IL1RAP: variants seen among roughly 807,000 people sequenced by gnomAD.
The protein encoded by IL1RAP is interleukin-1 receptor accessory protein.
Under a neutral mutation model 60.7 loss-of-function variants are expected in IL1RAP, and 35 were observed. The observed-to-expected ratio is 0.58, with a 90% CI of 0.44 to 0.76. The LOEUF (loss-of-function observed/expected upper bound fraction) is 0.76, where lower values mean the gene tolerates loss of function less well. IL1RAP is among the 30% of genes least tolerant of loss of function. The pLI, the probability that IL1RAP is intolerant of heterozygous loss-of-function variation, is 0.00. For missense variants in IL1RAP, 572 were observed against 693.9 expected (o/e 0.82, Z 1.97); for synonymous variants, 268 against 250.9 (o/e 1.07, Z -0.64).
intron 5 of IL1RAP, among the ~76,000 whole-genome samples, chr3:190,616,546 T>C (rs144878209): frequency 1.2e-4 from 18 of 152,298 alleles, no homozygotes; most frequent in African/African-American, 3.6e-4. Flanking sequence ...AAGTGACTAG[T>C]TTATCTAACT....
chr3:190,575,319 C>T (rs1727343584), intron 3 of IL1RAP, among the ~76,000 whole-genome samples: 1 of 152,138 alleles, frequency 6.6e-6, no homozygotes, highest in African/African-American at 2.4e-5. Context: ...GTATTGGTAA[C>T]CAAAACAAAA....
rs200151494 is a variant in IL1RAP, at chr3:190,649,184, T to G, written c.*479T>G. 10 of 985,444 alleles carry G rather than the reference T, an allele frequency of 1.0e-5. 1 individual carries two copies. In the East Asian group the frequency reaches 1.1e-3, roughly 112 times the overall value. The allele number at this position is 985,444 out of a possible 1,614,324, so 61.0% of individuals were successfully genotyped here. On this transcript the variant is annotated 3_prime_UTR_variant, in exon 12 of 12. Transcript: ENST00000447382. ...TACATTTTAGCTGAGGATAATGAAC[T>G]TTTTTCCTCATTCGGCTGTATAATA...
downstream of IL1RAP, among the ~76,000 whole-genome samples, chr3:190,653,401 G>T (rs894142937): frequency 7.9e-5 from 12 of 152,168 alleles, no homozygotes; most frequent in African/African-American, 2.9e-4. Flanking sequence ...GGACTCAAAA[G>T]ATATTAAGAT....
intron 3 of IL1RAP, among the ~76,000 whole-genome samples, chr3:190,596,751 A>G (rs1729412563): frequency 6.6e-6 from 1 of 152,194 alleles, no homozygotes; most frequent in African/African-American, 2.4e-5. Flanking sequence ...AATTTGCTAA[A>G]TTCCCTTTGC....
intron 1 of IL1RAP, among the ~76,000 whole-genome samples, chr3:190,545,459 T>C (rs1478568292): frequency 6.6e-6 from 1 of 152,220 alleles, no homozygotes; most frequent in East Asian, 1.9e-4. Context: ...ACAGCAGGCA[T>C]TCGCATCCTT....
At chr3:190,543,694 G>A (rs770018483) in intron 1 of IL1RAP, among the ~76,000 whole-genome samples, 17 of 152,124 alleles carry the variant, frequency 1.1e-4, no homozygotes, top group African/African-American at 1.7e-4. Context: ...AGGAAGGCAC[G>A]GGGTGATCTG....
rs921163631 is a variant in IL1RAP at position 190,615,446 on chromosome 3, A to G, written c.538-4829A>G. 5.8e-5 allele frequency: 25 copies of G among 427,904 alleles called. 1 individual carries two copies. Among genetic ancestry groups the G allele is most frequent in the Middle Eastern group, 4.5e-4 (1 of 2,210 alleles). The allele number at this position is 427,904 out of a possible 1,614,324, so 26.5% of individuals were successfully genotyped here. The stretch of plus-strand genomic sequence containing the variant: ...TCCTAACTTTCATATTACTGTATTA[A>G]TTCTCTTCCTTATAGTTTGATATTT... On this transcript the variant is annotated intron_variant, in intron 5 of 11. Coordinates refer to ENST00000447382, the MANE Select transcript of IL1RAP (RefSeq NM_002182.4).
At chr3:190,520,368 T>C (rs1721908801) in intron 1 of IL1RAP, 1 of 152,110 alleles carries the variant, frequency 6.6e-6, no homozygotes, top group Non-Finnish European at 1.5e-5. Flanking sequence ...AATAAAGTAG[T>C]TTTAATTTCC....
chr3:190,591,789 G>C (rs1246143834), intron 3 of IL1RAP, among the ~76,000 whole-genome samples: 2 of 152,004 alleles, frequency 1.3e-5, no homozygotes, highest in South Asian at 2.1e-4. Context: ...TCATGGATTA[G>C]AAAAGATAGC....
At chr3:190,533,814 T>C (rs1383512450) in intron 1 of IL1RAP, among the ~76,000 whole-genome samples, 1 of 152,056 alleles carries the variant, frequency 6.6e-6, no homozygotes, top group African/African-American at 2.4e-5. Flanking sequence ...CAAGTCCGAG[T>C]CAGGCCAGAC....
intron 4 of IL1RAP, among the ~76,000 whole-genome samples, chr3:190,608,383 T>A (rs1730532356): frequency 6.6e-6 from 1 of 152,100 alleles, no homozygotes; most frequent in African/African-American, 2.4e-5. Flanking sequence ...AAGACACAGT[T>A]AACATACAAT....
intron 10 of IL1RAP, among the ~76,000 whole-genome samples, chr3:190,644,863 C>T (rs1339211494): frequency 6.6e-6 from 1 of 152,178 alleles, no homozygotes; most frequent in Non-Finnish European, 1.5e-5. Flanking sequence ...TTCAAACCAG[C>T]CACATTTCGA....
chr3:190,600,609 A>T (rs1242925823), intron 3 of IL1RAP, among the ~76,000 whole-genome samples: 1 of 152,230 alleles, frequency 6.6e-6, no homozygotes, highest in Non-Finnish European at 1.5e-5. Context: ...GGCAGAAGAA[A>T]AGGGAATTTT....
intron 1 of IL1RAP, among the ~76,000 whole-genome samples, chr3:190,549,271 G>A (rs1724649591): frequency 6.6e-6 from 1 of 152,094 alleles, no homozygotes. Context: ...TGCGCAGGCT[G>A]GTCAGAGGTT....
At chr3:190,587,175 G>A (rs919609549) in intron 3 of IL1RAP, among the ~76,000 whole-genome samples, 3 of 152,174 alleles carry the variant, frequency 2.0e-5, no homozygotes, top group Non-Finnish European at 4.4e-5. Context: ...GAATCCCAAA[G>A]CAGGAAAGTG....
intron 1 of IL1RAP, among the ~76,000 whole-genome samples, chr3:190,529,413 C>T (rs945557728): frequency 4.0e-5 from 6 of 151,792 alleles, no homozygotes; most frequent in Non-Finnish European, 7.4e-5. Flanking sequence ...AATGGCCGGG[C>T]GTGGTGGCTC....
chr3:190,520,645 A>T (rs1271543778), intron 1 of IL1RAP: 1 of 152,156 alleles, frequency 6.6e-6, no homozygotes, highest in Non-Finnish European at 1.5e-5. Context: ...CGATCTCAAG[A>T]TTTCTAAAAG....
At chr3:190,617,858 C>A (rs1311432876) in intron 5 of IL1RAP, among the ~76,000 whole-genome samples, 3 of 152,166 alleles carry the variant, frequency 2.0e-5, no homozygotes, top group African/African-American at 7.2e-5. Flanking sequence ...TAACAATGCC[C>A]TGAATTACCC....
intron 3 of IL1RAP, among the ~76,000 whole-genome samples, chr3:190,564,892 A>T (rs1726238929): frequency 6.6e-6 from 1 of 152,202 alleles, no homozygotes. Flanking sequence ...AACCAAACTC[A>T]GTCATCATGG....
Sources: allele counts gnomAD v4.1 joint callset (sites outside exome capture counted in the v4.1 genomes callset), GRCh38; gene constraint gnomAD v4.1.1; transcripts MANE v1.5; gene names NCBI Gene and HGNC (gene_info 2026-07-23, HGNC 2026-07-21).